The following SMC5 variants were observed in gnomAD, a reference collection of about 807,000 sequenced individuals.
The protein encoded by SMC5 is structural maintenance of chromosomes 5.
A neutral mutation model predicts 148.3 loss-of-function variants in SMC5; 88 were observed. The observed-to-expected ratio is 0.59, with a 90% confidence interval of 0.50 to 0.71. The LOEUF (loss-of-function observed/expected upper bound fraction) is 0.71. SMC5 is among the 30% of genes least tolerant of loss of function. SMC5 has a pLI of 0.00. For missense variants in SMC5, 1,142 were observed against 1,298.9 expected, an observed-to-expected ratio of 0.88 and a Z score of 1.86; for synonymous variants, 421 against 432.8, an observed-to-expected ratio of 0.97 and a Z score of 0.34.
chr9:70,281,048 T>A, intron 6 of SMC5, 149 bp downstream of exon 6: 1 of 821,022 alleles, frequency 1.2e-6, no homozygotes, highest in Non-Finnish European at 1.9e-6. Flanking sequence ...CATGTCTTTT[T>A]TTTTTTTGAG....
intron 15 of SMC5, 71 bp from the exon 16 acceptor site, chr9:70,323,412 G>T: frequency 6.9e-7 from 1 of 1,448,806 alleles, no homozygotes; most frequent in South Asian, 1.5e-5. Context: ...GAAAACTGGG[G>T]GGGACCTAAG....
In SMC5 at chr9:70,278,743, C is replaced by T. The variant is rs918602790; in HGVS notation, c.678+118C>T. ...TGAATTCGTATTTGTGATTTTTTTTCACTTAGGATTGTACTGCTAATATCA... is the reference window on the plus strand; with the variant it reads ...TGAATTCGTATTTGTGATTTTTTTTTACTTAGGATTGTACTGCTAATATCA... On this transcript the variant is annotated intron_variant, in intron 5 of 24. Transcript: ENST00000361138. 9.0e-6 allele frequency: 9 copies of T among 999,882 alleles called. No individual in the cohort carries two copies. The Admixed American group carries it at 2.9e-4, about 32-fold the overall frequency. The allele number at this position is 999,882 out of a possible 1,614,324, so 61.9% of individuals were successfully genotyped here.
intron 17 of SMC5, among the ~76,000 whole-genome samples, chr9:70,332,762 G>C (rs1156790399): frequency 6.6e-6 from 1 of 152,082 alleles, no homozygotes. Context: ...TTTTATCTCA[G>C]ATGTATAAGG....
intron 11 of SMC5, among the ~76,000 whole-genome samples, chr9:70,312,394 A>G (rs1158028305): frequency 6.6e-6 from 1 of 151,836 alleles, no homozygotes; most frequent in African/African-American, 2.4e-5. Flanking sequence ...TGATCCAGTC[A>G]CCTCCCACCA....
chr9:70,298,203 C>G lies in SMC5; in HGVS notation c.1291C>G (p.Leu431Val), dbSNP rs768152761. The change falls in exon 9 of 25, where the codon CTA becomes GTA. Residue 431 changes from leucine (L) to valine (V), a missense_variant. Leu to Val is a conservative substitution (Grantham distance 32). Coordinates refer to ENST00000361138, the MANE Select transcript of SMC5 (RefSeq NM_015110.4). Reference sequence around the variant, plus strand: ...TGATAAGCGAAGAGAGAGGGAAACTCTAGAGAAGGAGAAAAAGAGTAAGTT... The same window carrying G: ...TGATAAGCGAAGAGAGAGGGAAACTGTAGAGAAGGAGAAAAAGAGTAAGTT... ...IIDKRRERET[L>V]EKEKKSVDDH... 1 of 1,611,278 alleles carries G rather than the reference C, an allele frequency of 6.2e-7. No homozygotes were observed. The highest frequency in any genetic ancestry group is 1.3e-5 in the African/African-American group (1 of 74,614).
Position 70,288,041 on chromosome 9 carries a change from C to T in SMC5, c.1053+1770C>T, listed in dbSNP as rs369884361. ...GGGATGGATCCCTTTTTACTCCATT[C>T]CTATTATTTTATTAGGGTTAGGCAG... On this transcript the variant is annotated intron_variant, in intron 8 of 24. Coordinates refer to ENST00000361138, the MANE Select transcript of SMC5 (RefSeq NM_015110.4). Among the ~76,000 whole-genome samples, 61 of 152,184 alleles carry T rather than the reference C, an allele frequency of 4.0e-4. 1 individual carries two copies. Among genetic ancestry groups the T allele is most frequent in the African/African-American group, 1.4e-3 (58 of 41,504 alleles).
At chr9:70,318,046 C>T (rs1297588262) in intron 13 of SMC5, among the ~76,000 whole-genome samples, 1 of 152,032 alleles carries the variant, frequency 6.6e-6, no homozygotes, top group Admixed American at 6.5e-5. Context: ...GCTGACTTTG[C>T]TAGTTGTATG....
chr9:70,310,567 A>T (rs1564051264), intron 11 of SMC5, among the ~76,000 whole-genome samples: 2 of 152,196 alleles, frequency 1.3e-5, no homozygotes, highest in Non-Finnish European at 2.9e-5. Context: ...ATTTTTTGGA[A>T]TGGTTAAATA....
intron 7 of SMC5, 29 bp from the exon 8 acceptor site, chr9:70,286,171 C>A: frequency 4.8e-6 from 5 of 1,033,036 alleles, no homozygotes; most frequent in South Asian, 2.7e-5. Context: ...AACTAGCTGT[C>A]CCCCCCTCTC....
At position 70,278,623 on chromosome 9, in the gene SMC5, G is replaced by A. The variant is rs141003657; in HGVS notation, c.676G>A (p.Glu226Lys). 88 of 1,598,384 alleles carry A rather than the reference G, an allele frequency of 5.5e-5. No individual in the cohort carries two copies. In the African/African-American group the frequency reaches 9.5e-4, roughly 17 times the overall value. The change falls in exon 5 of 25, where the codon GAG becomes AAG. Residue 226 changes from glutamate to lysine, a missense_variant and splice_region_variant. Glu to Lys is a moderately conservative substitution (Grantham distance 56). This residue lies in a region of SMC5 where 297 missense variants were observed against 302.6 expected (regional missense o/e 0.98). Coordinates refer to ENST00000361138, the MANE Select transcript of SMC5 (RefSeq NM_015110.4). The part of the protein sequence containing the change: ...KNLREKEKQL[E>K]TSCKEKTEYL... ...CTTAAGGGAGAAAGAAAAACAGCTCGAGGTACTTTAAATAGACAACTCATT... is the reference window on the plus strand; with the variant it reads ...CTTAAGGGAGAAAGAAAAACAGCTCAAGGTACTTTAAATAGACAACTCATT...
intron 11 of SMC5, among the ~76,000 whole-genome samples, chr9:70,313,748 T>C (rs971009373): frequency 3.3e-5 from 5 of 152,040 alleles, no homozygotes; most frequent in Admixed American, 3.3e-4. Context: ...GATCCGCCCG[T>C]CTCGGCCTCC....
chr9:70,333,448 G>A (rs1289492215), intron 17 of SMC5, among the ~76,000 whole-genome samples: 1 of 151,914 alleles, frequency 6.6e-6, no homozygotes, highest in Non-Finnish European at 1.5e-5. Flanking sequence ...TCAGCCTCCT[G>A]GACGAGGGGA....
intron 7 of SMC5, 26 bp from the exon 8 acceptor site, chr9:70,286,174 C>T (rs376183595): frequency 1.0e-5 from 14 of 1,389,882 alleles, no homozygotes; most frequent in Middle Eastern, 1.8e-4. Context: ...TAGCTGTCCC[C>T]CCCTCTCCCC....
At chr9:70,266,174 T>TA (rs962526732) in intron 2 of SMC5, among the ~76,000 whole-genome samples, 31 of 149,936 alleles carry the variant, frequency 2.1e-4, no homozygotes, top group South Asian at 4.2e-4. Context: ...ATAGAAATAA[T>TA]AAAAAAAAAA....
chr9:70,325,477 A>T (rs1335610389), intron 17 of SMC5, among the ~76,000 whole-genome samples: 9 of 152,190 alleles, frequency 5.9e-5, no homozygotes, highest in Non-Finnish European at 1.2e-4. Flanking sequence ...ACACTTAGAG[A>T]TCAATTTGAG....
intron 8 of SMC5, among the ~76,000 whole-genome samples, chr9:70,294,259 C>T (rs2035138869): frequency 6.6e-6 from 1 of 152,110 alleles, no homozygotes; most frequent in African/African-American, 2.4e-5. Flanking sequence ...AGAAAGATAG[C>T]ACAAGTTTAT....
chr9:70,346,920 G>T (rs564421303), intron 19 of SMC5, 146 bp from the exon 20 acceptor site: 2 of 708,018 alleles, frequency 2.8e-6, no homozygotes, highest in African/African-American at 1.8e-5. Flanking sequence ...GAAGGCAAAT[G>T]ACCCTGTTTA....
Position 70,298,345 on chromosome 9 carries a change from A to G in SMC5, c.1309+124A>G, listed in dbSNP as rs1013059503. The G allele has an allele frequency of 1.2e-5, 13 of 1,062,648 alleles. No homozygotes were observed. In the East Asian group the frequency reaches 3.4e-4, roughly 28 times the overall value. 65.8% of individuals were successfully genotyped at this position (1,062,648 alleles called of 1,614,324 possible). On this transcript the variant is annotated intron_variant, in intron 9 of 24. Transcript: ENST00000361138. The stretch of plus-strand genomic sequence containing the variant: ...CAAGTTGCCTTCTTGAGGAAGCTCA[A>G]CTCAGTTCTTCCAACTTCATACCTT...
chr9:70,303,229 A>G (rs1003125071), intron 10 of SMC5, among the ~76,000 whole-genome samples: 2 of 151,850 alleles, frequency 1.3e-5, no homozygotes, highest in African/African-American at 4.9e-5. Flanking sequence ...CCCTGTCTCA[A>G]AAAATAGAAA....
Sources: allele counts gnomAD v4.1 joint callset (sites outside exome capture counted in the v4.1 genomes callset), GRCh38; gene constraint gnomAD v4.1.1; regional missense constraint gnomAD v4.1.1; transcripts MANE v1.5; gene names NCBI Gene and HGNC (gene_info 2026-07-23, HGNC 2026-07-21).